Variants in SCYL3 observed in about 807,000 individuals in gnomAD.
The protein encoded by SCYL3 is protein-associating with the carboxyl-terminal domain of ezrin.
Under a neutral mutation model 73.8 loss-of-function variants are expected in SCYL3, and 35 were observed. That is an observed-to-expected ratio of 0.47 (90% CI 0.36 to 0.63). The LOEUF (loss-of-function observed/expected upper bound fraction) is 0.63, where lower values mean the gene tolerates loss of function less well. Among genes scored for constraint, SCYL3 ranks in the 20% least tolerant of loss-of-function variants. The pLI is 0.00. For synonymous variants in SCYL3, 277 were observed against 295.2 expected (o/e 0.94, Z 0.63); for missense variants, 712 against 798.9 (o/e 0.89, Z 1.31).
At chr1:169,877,675 T>C (rs549181585) in intron 3 of SCYL3, among the ~76,000 whole-genome samples, 1 of 152,300 alleles carries the variant, frequency 6.6e-6, no homozygotes, top group East Asian at 1.9e-4. Flanking sequence ...GTTACCACCA[T>C]TGCCTCTGAA....
rs199770724 is a variant in SCYL3, at chr1:169,850,259, T to A, written c.*3454A>T. On this transcript the variant is annotated 3_prime_UTR_variant, in exon 13 of 13. Transcript: ENST00000367771. ...AAATTGGTCTTGTTCATCAATTTTT[T>A]AATAGGGAACAAATCATGAAGAGAT... The A allele has an allele frequency of 1.8e-4, 287 of 1,596,842 alleles. 1 individual carries two copies. In the African/African-American group the frequency reaches 3.1e-3, roughly 17 times the overall value.
intron 11 of SCYL3, among the ~76,000 whole-genome samples, chr1:169,858,299 C>A (rs554424623): frequency 1.3e-5 from 2 of 152,118 alleles, no homozygotes; most frequent in East Asian, 3.9e-4. Context: ...TTGTTAAAAT[C>A]TAAGACACAA....
Position 169,875,642 on chromosome 1 carries a change from C to T in SCYL3, c.465+336G>A, listed in dbSNP as rs1302574427. Among the ~76,000 whole-genome samples, 3 of 152,320 alleles carry T rather than the reference C, an allele frequency of 2.0e-5. No individual in the cohort carries two copies. In the East Asian group the frequency reaches 5.8e-4, roughly 29 times the overall value. On this transcript the variant is annotated intron_variant, in intron 4 of 12. Coordinates refer to ENST00000367771, the MANE Select transcript of SCYL3 (RefSeq NM_020423.7). The stretch of plus-strand genomic sequence containing the variant: ...CAACCAATGGAATACAAGACAGATA[C>T]ATAAAGGTAATTTCACTATCAAGTG...
At chr1:169,853,905 A>AACTT (rs1658777683) in intron 12 of SCYL3, 133 bp from the exon 13 acceptor site, 9 of 945,860 alleles carry the variant, frequency 9.5e-6, no homozygotes, top group East Asian at 2.5e-5. Context: ...TAAGTAAAAT[A>AACTT]ACTTAGAGCT....
intron 11 of SCYL3, 67 bp from the exon 12 acceptor site, chr1:169,855,031 T>C (rs763068054): frequency 8.5e-7 from 1 of 1,172,482 alleles, no homozygotes; most frequent in Non-Finnish European, 1.2e-6. Flanking sequence ...ATGGGAAGGA[T>C]AGCATTAAGG....
intron 2 of SCYL3, among the ~76,000 whole-genome samples, chr1:169,879,457 C>G (rs1236359653): frequency 6.6e-6 from 1 of 152,144 alleles, no homozygotes; most frequent in African/African-American, 2.4e-5. Flanking sequence ...TGGATAGACC[C>G]AAACCAGCAG....
At chr1:169,883,335 C>G (rs1661438127) in intron 2 of SCYL3, among the ~76,000 whole-genome samples, 1 of 152,132 alleles carries the variant, frequency 6.6e-6, no homozygotes, top group African/African-American at 2.4e-5. Flanking sequence ...CCATCCTGTT[C>G]CTAGAGGCCA....
intron 5 of SCYL3, among the ~76,000 whole-genome samples, chr1:169,871,115 C>T (rs945250882): frequency 6.6e-6 from 1 of 152,164 alleles, no homozygotes; most frequent in East Asian, 1.9e-4. Flanking sequence ...GTTTGGGTGA[C>T]ATACAAGAAA....
chr1:169,878,444 T>C (rs955201095), intron 3 of SCYL3, among the ~76,000 whole-genome samples, 190 bp downstream of exon 3: 4 of 152,216 alleles, frequency 2.6e-5, no homozygotes, highest in African/African-American at 9.6e-5. Flanking sequence ...AGTTGTCCAT[T>C]CTATAAAACC....
intron 10 of SCYL3, among the ~76,000 whole-genome samples, chr1:169,861,893 G>A (rs956335469): frequency 3.9e-5 from 6 of 152,140 alleles, no homozygotes; most frequent in African/African-American, 1.4e-4. Context: ...TTTCTAAGAG[G>A]CCATGTAAAG....
rs1658606285 is a variant in SCYL3, at chr1:169,852,959, T to TA, written c.*753dup. 1 of 1,613,954 alleles carries TA rather than the reference T, an allele frequency of 6.2e-7. No individual in the cohort carries two copies. The highest frequency in any genetic ancestry group is 1.7e-5 in the Admixed American group (1 of 60,006). On this transcript the variant is annotated 3_prime_UTR_variant, in exon 13 of 13. Transcript: ENST00000367771. ...GCGCTCCAAGAAAGGATGGATAAGCTAAAACGTTACATACATACTCTAGGG... is the reference window on the plus strand; with the variant it reads ...GCGCTCCAAGAAAGGATGGATAAGCTAAAAACGTTACATACATACTCTAGGG...
rs1232949163 is a variant in SCYL3 at position 169,854,684 on chromosome 1, T to C, written c.1593A>G (p.Gly531=). Residue 531 remains glycine (G), a synonymous_variant, in exon 12 of 13, where the codon GGA becomes GGG. Coordinates refer to ENST00000367771, the MANE Select transcript of SCYL3 (RefSeq NM_020423.7). ...PSSLDTKVNP[G]GGITATKPVT... ...CAGGTTTTGTAGCAGTGATTCCACC[T>C]CCTGGGTTTACTTTAGTATCTAAGC... The C allele has an allele frequency of 6.2e-7, 1 of 1,614,036 alleles. No homozygotes were observed. The highest frequency in any genetic ancestry group is 1.7e-5 in the Admixed American group (1 of 60,006).
At chr1:169,875,939 A>G in intron 4 of SCYL3, 39 bp downstream of exon 4, 1 of 1,403,122 alleles carries the variant, frequency 7.1e-7, no homozygotes, top group Non-Finnish European at 9.9e-7. Flanking sequence ...AGACGCTATT[A>G]AAAACCAAGT....
chr1:169,882,219 C>T (rs1661323452), intron 2 of SCYL3, among the ~76,000 whole-genome samples: 1 of 152,240 alleles, frequency 6.6e-6, no homozygotes, highest in Non-Finnish European at 1.5e-5. Context: ...CCGGCAGGCC[C>T]TGCCACCCGG....
chr1:169,884,384 G>A (rs1290468142), intron 2 of SCYL3, among the ~76,000 whole-genome samples: 6 of 152,014 alleles, frequency 3.9e-5, no homozygotes, highest in Admixed American at 6.6e-5. Context: ...TGCAACCTTC[G>A]CCTCCCAGGT....
chr1:169,851,751 G>GT lies in SCYL3; in HGVS notation c.*1961_*1962insA. 2 of 1,560,442 alleles carry GT rather than the reference G, an allele frequency of 1.3e-6. No individual in the cohort carries two copies. Among genetic ancestry groups the GT allele is most frequent in the Non-Finnish European group, 1.7e-6 (2 of 1,153,698 alleles). ...GAACACTCAGCACTTAAATTATGTG[G>GT]CCATTTCATATCTAGTAGAGTGCTA... On this transcript the variant is annotated 3_prime_UTR_variant, in exon 13 of 13. Coordinates refer to ENST00000367771, the MANE Select transcript of SCYL3 (RefSeq NM_020423.7).
At chr1:169,873,664 A>G (rs1280310150) in intron 5 of SCYL3, 32 bp downstream of exon 5, 1 of 1,470,814 alleles carries the variant, frequency 6.8e-7, no homozygotes, top group Admixed American at 1.9e-5. Flanking sequence ...ACACAAAGGC[A>G]CCTTCATTAT....
chr1:169,850,134 C>T lies in SCYL3; in HGVS notation c.*3579G>A, dbSNP rs958195387. The T allele has an allele frequency of 9.3e-5, 57 of 614,104 alleles. No individual in the cohort carries two copies. In the African/African-American group the frequency reaches 9.6e-4, roughly 10 times the overall value. The allele number at this position is 614,104 out of a possible 1,614,324, so 38.0% of individuals were successfully genotyped here. On this transcript the variant is annotated 3_prime_UTR_variant, in exon 13 of 13. Coordinates refer to ENST00000367771, the MANE Select transcript of SCYL3 (RefSeq NM_020423.7). The stretch of plus-strand genomic sequence containing the variant: ...GACCCTGAAGGAATCATGAGTTTAT[C>T]ACCTTTGAGGATCCTCTGGGACTCT...
At chr1:169,878,550 T>TA (rs1303606186) in intron 3 of SCYL3, 84 bp downstream of exon 3, 2 of 1,152,178 alleles carry the variant, frequency 1.7e-6, no homozygotes, top group Non-Finnish European at 2.4e-6. Context: ...ATGAACACCA[T>TA]AATTTATAAG....
Sources: gnomAD v4.1 joint callset for allele counts (sites outside exome capture counted in the v4.1 genomes callset) on GRCh38, gnomAD v4.1.1 for gene constraint, MANE v1.5 for transcripts, NCBI Gene and HGNC (gene_info 2026-07-23, HGNC 2026-07-21) for gene names.